SCAF11: variants seen among roughly 807,000 people sequenced by gnomAD.
The protein encoded by SCAF11 is protein SCAF11.
In SCAF11, 47 loss-of-function variants were observed where a neutral mutation model predicts 140.5. The ratio of observed to expected loss-of-function variants is 0.33; its 90% CI spans 0.26 to 0.43. The LOEUF is 0.43. SCAF11 is among the 20% of genes least tolerant of loss of function. SCAF11 has a pLI of 1.00. For synonymous variants in SCAF11, 557 were observed against 579.4 expected, an observed-to-expected ratio of 0.96 and a Z score of 0.55; for missense variants, 1,645 against 1,705.1, an observed-to-expected ratio of 0.96 and a Z score of 0.62.
intron 12 of SCAF11, among the ~76,000 whole-genome samples, chr12:45,924,237 C>T (rs1026391587): frequency 2.0e-5 from 3 of 152,194 alleles, no homozygotes; most frequent in Admixed American, 2.0e-4. Context: ...AGGCACTTCT[C>T]CTTTCTTTTT....
At chr12:45,976,125 A>G (rs1157043870) in intron 1 of SCAF11, among the ~76,000 whole-genome samples, 2 of 152,194 alleles carry the variant, frequency 1.3e-5, no homozygotes, top group East Asian at 1.9e-4. Context: ...TTAACACAAG[A>G]TAACTGCAAC....
chr12:45,983,785 A>ACACACACAC (rs1565695884), intron 1 of SCAF11, among the ~76,000 whole-genome samples: 12 of 151,000 alleles, frequency 7.9e-5, no homozygotes, highest in East Asian at 1.9e-4. Context: ...ACACACACAC[A>ACACACACAC]AAGACTGAAC....
intron 6 of SCAF11, among the ~76,000 whole-genome samples, chr12:45,938,050 C>A (rs1357756345): frequency 1.3e-5 from 2 of 151,500 alleles, no homozygotes; most frequent in African/African-American, 4.8e-5. Flanking sequence ...CTCCATTCTT[C>A]CCATGAAATG....
intron 5 of SCAF11, among the ~76,000 whole-genome samples, chr12:45,948,082 A>G (rs984638594): frequency 3.3e-5 from 5 of 152,104 alleles, no homozygotes; most frequent in African/African-American, 1.2e-4. Flanking sequence ...AATTCTTTTT[A>G]TTTTGTGTTA....
At chr12:45,977,234 C>T (rs1178678149) in intron 1 of SCAF11, among the ~76,000 whole-genome samples, 1 of 151,894 alleles carries the variant, frequency 6.6e-6, no homozygotes, top group East Asian at 1.9e-4. Context: ...AACTATGGTA[C>T]ATTCAATCAT....
rs1944947644 is a variant in SCAF11, at chr12:45,928,300, C to T, written c.1401G>A (p.Glu467=). The T allele has an allele frequency of 6.2e-7, 1 of 1,613,812 alleles. No homozygotes were observed. Among genetic ancestry groups the T allele is most frequent in the African/African-American group, 1.3e-5 (1 of 74,896 alleles). The change falls in exon 11 of 15, where the codon GAG becomes GAA. Residue 467 remains glutamate, a synonymous_variant. Transcript: ENST00000369367. The stretch of plus-strand genomic sequence containing the variant: ...CAGAAGATGAAGATCCTACTCTTTC[C>T]TCTGTATCATAATTTGCAGTATGCT... The part of the protein sequence containing the change: ...SEKHTANYDT[E]ERVGSSSSES...
intron 9 of SCAF11, among the ~76,000 whole-genome samples, chr12:45,931,883 C>T (rs1214813353): frequency 6.6e-6 from 1 of 152,092 alleles, no homozygotes; most frequent in Non-Finnish European, 1.5e-5. Context: ...ACAGATGTTT[C>T]TCTTTGAAAT....
Position 45,923,021 on chromosome 12 carries a change from T to G in SCAF11, c.4040A>C (p.Lys1347Thr). 6.2e-7 allele frequency: 1 copy of G among 1,614,186 alleles called. No individual in the cohort carries two copies. Among genetic ancestry groups the G allele is most frequent in the East Asian group, 2.2e-5 (1 of 44,880 alleles). Residue 1347 changes from lysine (K) to threonine (T), a missense_variant, in exon 13 of 15, where the codon AAA becomes ACA. Around this residue, in one of 2 missense-constraint regions of SCAF11, gnomAD observed 1,582 missense variants for 1,609.2 expected, o/e 0.98. Coordinates refer to ENST00000369367, the MANE Select transcript of SCAF11 (RefSeq NM_004719.3). Reference protein sequence around the residue: ...SGNTSSSSHSKASNAAVKLAE... With the variant: ...SGNTSSSSHSTASNAAVKLAE... ...CAATTTTACAGCAGCATTAGAGGCT[T>G]TGCTGTGACTTGATGACGAAGTATT...
At chr12:45,945,655 G>C (rs1945405762) in intron 5 of SCAF11, among the ~76,000 whole-genome samples, 1 of 150,288 alleles carries the variant, frequency 6.7e-6, no homozygotes, top group Non-Finnish European at 1.5e-5. Context: ...TCCCAGCTCA[G>C]CCTCCTGAGT....
chr12:45,978,504 A>G (rs1022062049), intron 1 of SCAF11, among the ~76,000 whole-genome samples: 6 of 152,198 alleles, frequency 3.9e-5, no homozygotes, highest in African/African-American at 7.2e-5. Context: ...GACAAAAAGC[A>G]AAAGAGCAGT....
intron 1 of SCAF11, chr12:45,975,151 A>G (rs1213320934): frequency 1.3e-5 from 2 of 152,220 alleles, no homozygotes; most frequent in African/African-American, 4.8e-5. Flanking sequence ...CTGTCATCCA[A>G]GCTTTGTTGT....
rs150019950 is a variant in SCAF11, at chr12:45,950,480, A to G, written c.297+1170T>C. 7.2e-3 allele frequency among the ~76,000 whole-genome samples: 1,093 copies of G among 152,352 alleles called. 10 individuals carry two copies. The highest frequency in any genetic ancestry group is 0.025 in the African/African-American group (1,034 of 41,592). On this transcript the variant is annotated intron_variant, in intron 4 of 14. Transcript: ENST00000369367. ...ATTCTAAGCAAGAAAACATAATTTC[A>G]CAGAAAAATATATTTGGAATCTACT...
At chr12:45,989,460 A>C (rs948918046) in intron 1 of SCAF11, among the ~76,000 whole-genome samples, 4 of 152,262 alleles carry the variant, frequency 2.6e-5, no homozygotes, top group African/African-American at 7.2e-5. Flanking sequence ...ACTGTATGTA[A>C]TACAATACGG....
chr12:45,945,144 G>A, intron 6 of SCAF11, 105 bp downstream of exon 6: 1 of 738,632 alleles, frequency 1.4e-6, no homozygotes. Context: ...GAGTTCTGAG[G>A]ACTATTTTCC....
intron 6 of SCAF11, among the ~76,000 whole-genome samples, chr12:45,941,260 G>A (rs1428285547): frequency 1.3e-5 from 2 of 152,084 alleles, no homozygotes; most frequent in African/African-American, 4.8e-5. Flanking sequence ...ATCGAAAAAC[G>A]AATTTGCCTG....
Position 45,933,207 on chromosome 12 carries a change from T to G in SCAF11, c.658A>C (p.Ile220Leu). 6.2e-7 allele frequency: 1 copy of G among 1,611,166 alleles called. No individual in the cohort carries two copies. Among genetic ancestry groups the G allele is most frequent in the African/African-American group, 1.3e-5 (1 of 75,008 alleles). Residue 220 changes from isoleucine (I) to leucine (L), a missense_variant, in exon 9 of 15, where the codon ATC (isoleucine) becomes CTC (leucine). Transcript: ENST00000369367. ...CTCTTCTGCCTAATCAATGCACTGA[T>G]TTCACTGGCTTCTATAAATTCTGTA... ...YCTEFIEASE[I>L]SALIRQKRHE...
intron 4 of SCAF11, among the ~76,000 whole-genome samples, chr12:45,950,998 T>A (rs1480200519): frequency 2.0e-5 from 3 of 152,180 alleles, no homozygotes; most frequent in Non-Finnish European, 4.4e-5. Flanking sequence ...ACTTAACTAC[T>A]ACTCTTCTCC....
At chr12:45,928,994 T>C in intron 10 of SCAF11, 135 bp from the exon 11 acceptor site, 1 of 468,958 alleles carries the variant, frequency 2.1e-6, no homozygotes, top group Non-Finnish European at 3.6e-6. Flanking sequence ...TATTAATAAA[T>C]GCATAGCTAC....
chr12:45,978,334 A>T (rs1282670967), intron 1 of SCAF11, among the ~76,000 whole-genome samples: 1 of 152,208 alleles, frequency 6.6e-6, no homozygotes, highest in African/African-American at 2.4e-5. Context: ...AAGTACAATG[A>T]CATAACTAAT....
Sources: gnomAD v4.1 joint callset for allele counts (sites outside exome capture counted in the v4.1 genomes callset) on GRCh38, gnomAD v4.1.1 for gene constraint, gnomAD v4.1.1 regional missense constraint, MANE v1.5 for transcripts, NCBI Gene and HGNC (gene_info 2026-07-23, HGNC 2026-07-21) for gene names.